DPYSL2: variants seen among roughly 807,000 people sequenced by gnomAD.
DPYSL2 encodes dihydropyrimidinase like 2.
In DPYSL2, 13 loss-of-function variants were observed where a neutral mutation model predicts 69.9. The observed-to-expected ratio is 0.19, with a 90% CI of 0.12 to 0.30. The LOEUF (loss-of-function observed/expected upper bound fraction) is 0.30. Ranked by LOEUF, DPYSL2 falls within the 10% of genes least tolerant of loss-of-function variation. The probability of loss-of-function intolerance (pLI) is 1.00; values close to 1 mark genes in which losing one functional copy is unlikely to be tolerated. For missense variants in DPYSL2, 587 were observed against 918.9 expected, an observed-to-expected ratio of 0.64 and a Z score of 4.67; for synonymous variants, 326 against 359.1, an observed-to-expected ratio of 0.91 and a Z score of 1.04.
rs1429137215 is a variant in DPYSL2, at chr8:26,591,901, C to A, written c.628+7918C>A. Among the ~76,000 whole-genome samples the A allele has an allele frequency of 6.6e-6, 1 of 152,074 alleles. No individual in the cohort carries two copies. The highest frequency in any genetic ancestry group is 2.4e-5 in the African/African-American group (1 of 41,392). On this transcript the variant is annotated intron_variant, in intron 3 of 13. Transcript: ENST00000521913. The surrounding 1 kb of genome is among the most constrained non-coding windows in gnomAD (Gnocchi z 5.8). ...TGCAATGCGATTGGTCCTGGTGTAG[C>A]CTCCGTGTTGAGTTGTAGGGGAAAG...
At position 26,652,301 on chromosome 8, in the gene DPYSL2, C is replaced by A. The variant is rs1249556209; in HGVS notation, c.1641C>A (p.Ser547=). 6.2e-7 allele frequency: 1 copy of A among 1,614,134 alleles called. No homozygotes were observed. The highest frequency in any genetic ancestry group is 2.2e-5 in the East Asian group (1 of 44,878). Residue 547 remains serine, a synonymous_variant, in exon 12 of 14, where the codon TCC becomes TCA. Coordinates refer to ENST00000521913, the MANE Select transcript of DPYSL2 (RefSeq NM_001197293.3). This position sits in a 1 kb window ranked among gnomAD's most constrained non-coding sequence, Gnocchi z 6.3. ...NIFEGMECRG[S]PLVVISQGKI... The stretch of plus-strand genomic sequence containing the variant: ...TTGAAGGCATGGAGTGCCGCGGCTC[C>A]CCACTGGTGGTCATCAGCCAGGGGA...
intron 1 of DPYSL2, among the ~76,000 whole-genome samples, chr8:26,530,345 A>T (rs1800486271): frequency 6.6e-6 from 1 of 152,150 alleles, no homozygotes; most frequent in Admixed American, 6.5e-5. Flanking sequence ...TCTTAGCTTC[A>T]TCACAGCACA....
intron 1 of DPYSL2, among the ~76,000 whole-genome samples, chr8:26,569,713 G>A (rs768546528): frequency 1.1e-4 from 17 of 152,304 alleles, no homozygotes; most frequent in Middle Eastern, 3.4e-3. Flanking sequence ...ACAAGGAAGA[G>A]TAGGAGTACA....
intron 1 of DPYSL2, among the ~76,000 whole-genome samples, chr8:26,519,572 G>A (rs1445466928): frequency 1.3e-5 from 2 of 152,028 alleles, no homozygotes; most frequent in African/African-American, 4.8e-5. Context: ...TCTGATACAG[G>A]CATTATTTAC....
rs1312638647 is a variant in DPYSL2, at chr8:26,653,802, C to T, written c.1942+405C>T. Among the ~76,000 whole-genome samples, 6 of 152,112 alleles carry T rather than the reference C, an allele frequency of 3.9e-5. No homozygotes were observed. The highest frequency in any genetic ancestry group is 4.1e-4 in the South Asian group (2 of 4,822). On this transcript the variant is annotated intron_variant, in intron 13 of 13. Coordinates refer to ENST00000521913, the MANE Select transcript of DPYSL2 (RefSeq NM_001197293.3). The surrounding 1 kb of genome is among the most constrained non-coding windows in gnomAD (Gnocchi z 5.7). ...AACTCCTGACTTCAGGTGATCTGCC[C>T]GCCTCGGCCTCCCAAAGTGCTGGGA... is the stretch of plus-strand genomic sequence containing the variant.
chr8:26,636,973 C>G (rs1802935432), intron 8 of DPYSL2, among the ~76,000 whole-genome samples: 1 of 152,134 alleles, frequency 6.6e-6, no homozygotes, highest in Non-Finnish European at 1.5e-5. Context: ...AACTCCTGAC[C>G]TCAGGTGATC....
rs1361971147 is a variant in DPYSL2, at chr8:26,658,025, T to C, written c.*2319T>C. On this transcript the variant is annotated 3_prime_UTR_variant, in exon 14 of 14. Transcript: ENST00000521913. The surrounding 1 kb of genome is among the most constrained non-coding windows in gnomAD (Gnocchi z 4.7). ...ACTTTCAGTTCTAAAGCTGATAAAG[T>C]GTGTAGCCAGAAGAGTACTTTTTTT... The C allele has an allele frequency of 1.3e-5, 2 of 152,580 alleles. No individual in the cohort carries two copies. The highest frequency in any genetic ancestry group is 4.8e-5 in the African/African-American group (2 of 41,444). 9.5% of individuals were successfully genotyped at this position (152,580 alleles called of 1,614,324 possible).
chr8:26,577,663 C>T (rs148956177), intron 1 of DPYSL2, among the ~76,000 whole-genome samples: 2,713 of 150,976 alleles, frequency 0.018, 86 homozygotes, highest in African/African-American at 0.063. Context: ...CAGGCCGCGC[C>T]TGGGGCCGCC....
chr8:26,529,936 C>T (rs1234513437), intron 1 of DPYSL2, among the ~76,000 whole-genome samples: 1 of 150,930 alleles, frequency 6.6e-6, no homozygotes, highest in Non-Finnish European at 1.5e-5. Flanking sequence ...CATGCTGAAA[C>T]CTCGTTTCTA....
At chr8:26,573,569 G>A (rs1435664102) in intron 1 of DPYSL2, among the ~76,000 whole-genome samples, 1 of 151,166 alleles carries the variant, frequency 6.6e-6, no homozygotes, top group African/African-American at 2.4e-5. Context: ...CTCAGAGGCT[G>A]AGGCAGGAGA....
chr8:26,514,722 G>T lies in DPYSL2; in HGVS notation c.354+43G>T, dbSNP rs1808245958. 1.5e-6 allele frequency: 2 copies of T among 1,338,982 alleles called. No individual in the cohort carries two copies. Among genetic ancestry groups the T allele is most frequent in the South Asian group, 1.7e-5 (1 of 60,274 alleles). The allele number at this position is 1,338,982 out of a possible 1,614,324, so 82.9% of individuals were successfully genotyped here. On this transcript the variant is annotated intron_variant, in intron 1 of 13. Coordinates refer to ENST00000521913, the MANE Select transcript of DPYSL2 (RefSeq NM_001197293.3). The surrounding 1 kb of genome is among the most constrained non-coding windows in gnomAD (Gnocchi z 8.4). ...GGGTGGAGACGGAGGACGGGGCGCG[G>T]GGATCGCCCCTCCCTCGCCCCTGAG...
rs532296455 is a variant in DPYSL2, at chr8:26,598,456, C to T, written c.628+14473C>T. 4.0e-4 allele frequency among the ~76,000 whole-genome samples: 61 copies of T among 152,172 alleles called. 3 individuals are homozygous for T. The South Asian group carries it at 9.1e-3, about 23-fold the overall frequency. ...TCTTTTCCCTCCTGCTCTATGAAAA[C>T]GTATTTTCCATGTTAAAAAAGGAAG... On this transcript the variant is annotated intron_variant, in intron 3 of 13. Transcript: ENST00000521913. The surrounding 1 kb of genome is among the most constrained non-coding windows in gnomAD (Gnocchi z 4.2).
chr8:26,614,203 G>A lies in DPYSL2; in HGVS notation c.629-9940G>A, dbSNP rs1048958053. The stretch of plus-strand genomic sequence containing the variant: ...AAGAGCCAGCGGAAGATTCTTCTGA[G>A]ACATGGGAAGTAAATTTGCAAGATT... On this transcript the variant is annotated intron_variant, in intron 3 of 13. Transcript: ENST00000521913. This position sits in a 1 kb window ranked among gnomAD's most constrained non-coding sequence, Gnocchi z 4.9. Among the ~76,000 whole-genome samples, 3 of 152,194 alleles carry A rather than the reference G, an allele frequency of 2.0e-5. No individual in the cohort carries two copies. Among genetic ancestry groups the A allele is most frequent in the Non-Finnish European group, 4.4e-5 (3 of 68,036 alleles).
chr8:26,653,091 C>T lies in DPYSL2; in HGVS notation c.1777-141C>T. 9.7e-7 allele frequency: 1 copy of T among 1,029,186 alleles called. No homozygotes were observed. Among genetic ancestry groups the T allele is most frequent in the Non-Finnish European group, 1.4e-6 (1 of 705,450 alleles). The allele number at this position is 1,029,186 out of a possible 1,614,324, so 63.8% of individuals were successfully genotyped here. A position where few individuals can be genotyped will look rare whatever the true frequency, so the allele number is the denominator to read the frequency against. Reference sequence around the variant, plus strand: ...TGGCCTGGCATGGTGGGAGCTGGCCCCACACAACACCTGTCCACCTGTCTG... The same window carrying T: ...TGGCCTGGCATGGTGGGAGCTGGCCTCACACAACACCTGTCCACCTGTCTG... On this transcript the variant is annotated intron_variant, in intron 12 of 13. Coordinates refer to ENST00000521913, the MANE Select transcript of DPYSL2 (RefSeq NM_001197293.3). The surrounding 1 kb of genome is among the most constrained non-coding windows in gnomAD (Gnocchi z 5.7).
chr8:26,549,524 A>G (rs2117634374), intron 1 of DPYSL2, among the ~76,000 whole-genome samples: 1 of 152,288 alleles, frequency 6.6e-6, no homozygotes, highest in African/African-American at 2.4e-5. Flanking sequence ...ATGACTGCGA[A>G]TTTCTCAAAA....
Position 26,610,900 on chromosome 8 carries a change from A to G in DPYSL2, c.629-13243A>G, listed in dbSNP as rs1802210213. ...GTGAGTAGATACTATTATTAGGTCC[A>G]TTTCACAGATAAGAAACCTGAGGCC... On this transcript the variant is annotated intron_variant, in intron 3 of 13. Coordinates refer to ENST00000521913, the MANE Select transcript of DPYSL2 (RefSeq NM_001197293.3). The surrounding 1 kb of genome is among the most constrained non-coding windows in gnomAD (Gnocchi z 4.5). 6.6e-6 allele frequency among the ~76,000 whole-genome samples: 1 copy of G among 152,182 alleles called. No individual in the cohort carries two copies. Among genetic ancestry groups the G allele is most frequent in the Admixed American group, 6.5e-5 (1 of 15,274 alleles).
At chr8:26,631,621 C>T (rs1802776133) in intron 7 of DPYSL2, among the ~76,000 whole-genome samples, 1 of 152,192 alleles carries the variant, frequency 6.6e-6, no homozygotes, top group East Asian at 1.9e-4. Context: ...TCAGAATCCC[C>T]AGCAACTGAT....
chr8:26,633,450 C>T (rs1802826510), intron 7 of DPYSL2, among the ~76,000 whole-genome samples: 1 of 152,152 alleles, frequency 6.6e-6, no homozygotes, highest in African/African-American at 2.4e-5. Context: ...TTTGAAATAT[C>T]ATTCATCTGA....
intron 10 of DPYSL2, among the ~76,000 whole-genome samples, chr8:26,645,083 C>T (rs574720793): frequency 1.2e-3 from 177 of 152,174 alleles, no homozygotes; most frequent in African/African-American, 4.0e-3. Flanking sequence ...ATGTGACATG[C>T]GTGAGTGTGT....
Sources: gnomAD v4.1 joint callset for allele counts (sites outside exome capture counted in the v4.1 genomes callset) on GRCh38, gnomAD v4.1.1 for gene constraint, Gnocchi (gnomAD v3.1) non-coding constraint, MANE v1.5 for transcripts, NCBI Gene and HGNC (gene_info 2026-07-23, HGNC 2026-07-21) for gene names.